Variants in MGAT4C observed in about 807,000 individuals in gnomAD.
The protein encoded by MGAT4C is alpha-1,3-mannosyl-glycoprotein 4-beta-N-acetylglucosaminyltransferase C.
Under a neutral mutation model 40.1 loss-of-function variants are expected in MGAT4C, and 19 were observed. That is an observed-to-expected ratio of 0.47 (90% CI 0.33 to 0.70). MGAT4C has a LOEUF of 0.70. Ranked by LOEUF, MGAT4C falls within the 30% of genes least tolerant of loss-of-function variation. MGAT4C has a pLI of 0.02. For missense variants in MGAT4C, 491 were observed against 563.2 expected (o/e 0.87, Z 1.30); for synonymous variants, 181 against 187.1 (o/e 0.97, Z 0.27).
chr12:86,494,525 GACT>G (rs1958202107), intron 2 of MGAT4C, among the ~76,000 whole-genome samples: 1 of 150,694 alleles, frequency 6.6e-6, no homozygotes, highest in Non-Finnish European at 1.5e-5. Context: ...TTAAAACTTA[GACT>G]ATTAAAGAAA....
In MGAT4C at chr12:85,983,630, T is replaced by G; in HGVS notation, c.188A>C (p.Gln63Pro). Residue 63 changes from glutamine to proline, a missense_variant, in exon 4 of 5, where the codon CAA becomes CCA. Transcript: ENST00000611864. ...KQLIRETSTH[Q>P]LNSERYVHTF... ...ATGAACATAGCGTTCTGAATTCAGT[T>G]GATGTGTGGATGTTTCCCTTATAAG... The G allele has an allele frequency of 1.9e-6, 3 of 1,597,828 alleles. No homozygotes were observed. The highest frequency in any genetic ancestry group is 2.6e-6 in the Non-Finnish European group (3 of 1,172,684).
intron 4 of MGAT4C, among the ~76,000 whole-genome samples, chr12:86,328,883 A>C (rs999624311): frequency 4.0e-5 from 6 of 151,244 alleles, no homozygotes; most frequent in Admixed American, 2.6e-4. Flanking sequence ...AGGTGGGCAT[A>C]TCACGAGGTC....
rs987847601 is a variant in MGAT4C, at chr12:85,962,719, A to T, written c.*16570T>A. ...TGCTATCAACTACATTTTACATAGG[A>T]TGAAAAAAATCATTATTTTTATTAA... On this transcript the variant is annotated 3_prime_UTR_variant, in exon 5 of 5. Coordinates refer to ENST00000611864, the MANE Select transcript of MGAT4C (RefSeq NM_001351288.2). 8.6e-5 allele frequency: 13 copies of T among 151,124 alleles called. No individual in the cohort carries two copies. Among genetic ancestry groups the T allele is most frequent in the African/African-American group, 3.1e-4 (13 of 41,354 alleles). 9.4% of individuals were successfully genotyped at this position (151,124 alleles called of 1,614,324 possible). A position where few individuals can be genotyped will look rare whatever the true frequency, so the allele number is the denominator to read the frequency against.
chr12:85,987,116 A>ATTTT lies in MGAT4C; in HGVS notation c.147+2280_147+2283dup, dbSNP rs869139864. 5.4e-5 allele frequency among the ~76,000 whole-genome samples: 4 copies of ATTTT among 73,830 alleles called. 1 individual carries two copies. The highest frequency in any genetic ancestry group is 2.3e-4 in the African/African-American group (4 of 17,698). 48.4% of individuals were successfully genotyped at this position (73,830 alleles called of 152,430 possible). On this transcript the variant is annotated intron_variant, in intron 3 of 4. Coordinates refer to ENST00000611864, the MANE Select transcript of MGAT4C (RefSeq NM_001351288.2). ...CTTTTGTAAGTATTTTAAAATAATA[A>ATTTT]TTTTTTTTTTTTTTTTTTTTTTTTT...
At chr12:86,264,457 C>T (rs919466597) in intron 4 of MGAT4C, among the ~76,000 whole-genome samples, 1 of 152,130 alleles carries the variant, frequency 6.6e-6, no homozygotes, top group African/African-American at 2.4e-5. Flanking sequence ...TGCGAAGACG[C>T]GGGCTGCAGC....
chr12:86,248,972 A>C (rs1443911328), intron 1 of MGAT4C, among the ~76,000 whole-genome samples: 1 of 152,100 alleles, frequency 6.6e-6, no homozygotes, highest in Non-Finnish European at 1.5e-5. Context: ...ACTTGAGAAA[A>C]TTTTACACCA....
At chr12:86,649,455 A>C (rs537996776) in intron 2 of MGAT4C, among the ~76,000 whole-genome samples, 1 of 151,854 alleles carries the variant, frequency 6.6e-6, no homozygotes, top group South Asian at 2.1e-4. Flanking sequence ...TTTCTAATTT[A>C]TAATATAAGA....
At chr12:86,078,538 A>C (rs913399307) in intron 1 of MGAT4C, among the ~76,000 whole-genome samples, 1 of 152,202 alleles carries the variant, frequency 6.6e-6, no homozygotes, top group Non-Finnish European at 1.5e-5. Context: ...TCCATGATGG[A>C]AGAGGTCCAA....
intron 2 of MGAT4C, among the ~76,000 whole-genome samples, chr12:86,620,147 T>A (rs943697600): frequency 1.3e-5 from 2 of 152,132 alleles, no homozygotes; most frequent in African/African-American, 2.4e-5. Flanking sequence ...TGGAAAACAG[T>A]ATGGAGATTT....
chr12:85,998,044 T>A (rs1886832630), intron 2 of MGAT4C, among the ~76,000 whole-genome samples: 1 of 152,206 alleles, frequency 6.6e-6, no homozygotes, highest in Non-Finnish European at 1.5e-5. Context: ...TTTCCATACA[T>A]CCTCTGAAAT....
intron 1 of MGAT4C, among the ~76,000 whole-genome samples, chr12:86,790,198 A>G (rs750089634): frequency 1.3e-5 from 2 of 152,150 alleles, no homozygotes; most frequent in African/African-American, 2.4e-5. Context: ...TTGATGGTAG[A>G]ACTGGAAGTC....
chr12:86,490,237 C>T (rs144567136), intron 2 of MGAT4C, among the ~76,000 whole-genome samples: 15,263 of 152,070 alleles, frequency 0.1, 986 homozygotes, highest in Middle Eastern at 0.25. Context: ...GGCAGAAACC[C>T]TACAAGCCAG....
intron 2 of MGAT4C, among the ~76,000 whole-genome samples, chr12:86,534,509 T>C (rs1959038567): frequency 2.0e-5 from 3 of 152,124 alleles, no homozygotes; most frequent in South Asian, 2.1e-4. Context: ...TTGGTGTTCA[T>C]GGTTCACACA....
At chr12:86,400,432 G>A (rs940991066) in intron 3 of MGAT4C, among the ~76,000 whole-genome samples, 1 of 152,008 alleles carries the variant, frequency 6.6e-6, no homozygotes, top group Non-Finnish European at 1.5e-5. Flanking sequence ...GTAACTTTTG[G>A]ACCATTCTCT....
intron 1 of MGAT4C, among the ~76,000 whole-genome samples, chr12:86,802,835 C>G (rs111318766): frequency 0.33 from 46,276 of 140,666 alleles, 9,241 homozygotes; most frequent in East Asian, 0.66. Context: ...AATGGCCATA[C>G]TGCCCAAGGT....
intron 4 of MGAT4C, among the ~76,000 whole-genome samples, chr12:86,299,147 G>A (rs929419837): frequency 2.1e-4 from 32 of 152,032 alleles, no homozygotes; most frequent in South Asian, 1.2e-3. Flanking sequence ...GACGAATCTC[G>A]CTCTGTCGCC....
At chr12:86,484,068 G>A (rs1235747384) in intron 2 of MGAT4C, among the ~76,000 whole-genome samples, 1 of 151,870 alleles carries the variant, frequency 6.6e-6, no homozygotes, top group African/African-American at 2.4e-5. Flanking sequence ...GTAAAGGGAT[G>A]GTGAGGTGGA....
At chr12:86,512,770 A>G (rs1958613945) in intron 2 of MGAT4C, among the ~76,000 whole-genome samples, 2 of 152,098 alleles carry the variant, frequency 1.3e-5, no homozygotes, top group South Asian at 4.1e-4. Flanking sequence ...TTGCCAGAAG[A>G]TAAGAGGGAG....
chr12:86,496,348 G>C (rs897374726), intron 2 of MGAT4C, among the ~76,000 whole-genome samples: 4 of 152,032 alleles, frequency 2.6e-5, no homozygotes, highest in Admixed American at 6.6e-5. Flanking sequence ...TACTTATCTT[G>C]CAGAAGCCAT....
Sources: allele counts gnomAD v4.1 joint callset (sites outside exome capture counted in the v4.1 genomes callset), GRCh38; gene constraint gnomAD v4.1.1; transcripts MANE v1.5; gene names NCBI Gene and HGNC (gene_info 2026-07-23, HGNC 2026-07-21).